CLDN2: variants seen among roughly 807,000 people sequenced by gnomAD.
CLDN2 encodes the protein claudin-2.
In CLDN2, 1 loss-of-function variant was observed where a neutral mutation model predicts 8.2. The ratio of observed to expected loss-of-function variants is 0.12; its 90% CI spans 0.04 to 0.58. The LOEUF (loss-of-function observed/expected upper bound fraction) is 0.58. CLDN2 is among the 20% of genes least tolerant of loss of function. CLDN2 has a pLI of 0.90. For synonymous variants in CLDN2, 70 were observed against 70.2 expected (o/e 1.00, Z 0.01); for missense variants, 108 against 172.9 (o/e 0.62, Z 2.11).
intron 1 of CLDN2, chrX:106,901,041 G>A: frequency 9.7e-7 from 1 of 1,031,631 alleles, no homozygotes; most frequent in South Asian, 2.7e-5. Flanking sequence ...AAGGAAGAAA[G>A]AAAGTTTTGT....
chrX:106,923,357 G>C, intron 1 of CLDN2, among the ~76,000 whole-genome samples: 1 of 112,333 alleles, frequency 8.9e-6, no homozygotes, highest in Non-Finnish European at 1.9e-5. Flanking sequence ...TTTGACTACT[G>C]GGTAGGTAAT....
intron 1 of CLDN2, among the ~76,000 whole-genome samples, chrX:106,921,162 T>C (rs761292443): frequency 2.7e-5 from 3 of 112,596 alleles, no homozygotes; most frequent in Non-Finnish European, 5.6e-5. Flanking sequence ...AGGCGATTTT[T>C]GTTTTCTAAA....
At chrX:106,920,894 T>C (rs774229752) in intron 1 of CLDN2, among the ~76,000 whole-genome samples, 1 of 110,391 alleles carries the variant, frequency 9.1e-6, no homozygotes, top group East Asian at 2.9e-4. Flanking sequence ...GACTGAGGAG[T>C]GGCAGAAGGG....
chrX:106,904,790 A>G (rs1271891290), intron 1 of CLDN2, among the ~76,000 whole-genome samples: 1 of 112,249 alleles, frequency 8.9e-6, no homozygotes, highest in African/African-American at 3.2e-5. Context: ...GAATGAGGGA[A>G]AAGTTAACAT....
upstream of CLDN2, among the ~76,000 whole-genome samples, chrX:106,915,012 G>A (rs1240350244): frequency 8.9e-6 from 1 of 111,782 alleles, no homozygotes; most frequent in Non-Finnish European, 1.9e-5. Flanking sequence ...CTCCATTGTA[G>A]TAAACCCCTT....
intron 1 of CLDN2, among the ~76,000 whole-genome samples, chrX:106,913,342 A>T (rs1383102924): frequency 9.0e-6 from 1 of 111,330 alleles, no homozygotes; most frequent in African/African-American, 3.3e-5. Context: ...TAATCCACCC[A>T]CCTCAGCCTC....
chrX:106,901,871 C>G (rs747605930), intron 1 of CLDN2, among the ~76,000 whole-genome samples: 1 of 111,743 alleles, frequency 8.9e-6, no homozygotes, highest in East Asian at 2.8e-4. Flanking sequence ...TGCCAGGAGA[C>G]GAGGCCTCAA....
At chrX:106,902,051 C>T in intron 1 of CLDN2, 1 of 757,766 alleles carries the variant, frequency 1.3e-6, no homozygotes, top group Non-Finnish European at 2.0e-6. Flanking sequence ...CACCTTTGGA[C>T]TGAGGTCAGG....
At chrX:106,924,313 T>C (rs1450167347) in intron 1 of CLDN2, among the ~76,000 whole-genome samples, 1 of 110,177 alleles carries the variant, frequency 9.1e-6, no homozygotes, top group Non-Finnish European at 1.9e-5. Context: ...CAAAAAGTAG[T>C]AGTAAATGTT....
chrX:106,902,214 C>A, intron 1 of CLDN2: 1 of 1,174,737 alleles, frequency 8.5e-7, no homozygotes, highest in East Asian at 3.1e-5. Flanking sequence ...AGACAAGTTC[C>A]TCTGGGACAA....
upstream of CLDN2, among the ~76,000 whole-genome samples, chrX:106,914,498 C>T (rs1359309715): frequency 8.1e-5 from 9 of 111,389 alleles, no homozygotes; most frequent in Middle Eastern, 4.2e-3. Context: ...CACACTTCAA[C>T]CAAAAACCAC....
At chrX:106,910,812 C>T (rs938662655) in intron 1 of CLDN2, among the ~76,000 whole-genome samples, 1 of 111,499 alleles carries the variant, frequency 9.0e-6, no homozygotes, top group Non-Finnish European at 1.9e-5. Flanking sequence ...GTTTGTCTGC[C>T]ACTCTAACTC....
chrX:106,905,083 A>C (rs1378047519), intron 1 of CLDN2, among the ~76,000 whole-genome samples: 1 of 112,612 alleles, frequency 8.9e-6, no homozygotes, highest in Non-Finnish European at 1.9e-5. Flanking sequence ...ATGTTTATCC[A>C]TGGAGGAACG....
rs1446059797 is a variant in CLDN2, at chrX:106,903,697, C to CAG, written c.-179+3193_-179+3194insAG. ...GGGACAGAGGGCTGAATAGACAGGC[C>CAG]TTTAACTAAGCCAGTTCCTGGCAAG... On this transcript the variant is annotated intron_variant, in intron 1 of 1. Transcript: ENST00000541806. Among the ~76,000 whole-genome samples the CAG allele has an allele frequency of 1.9e-4, 21 of 112,142 alleles. 1 individual carries two copies. The highest frequency in any genetic ancestry group is 7.5e-5 in the Non-Finnish European group (4 of 53,172).
At chrX:106,908,711 C>G (rs1340729874) in intron 1 of CLDN2, among the ~76,000 whole-genome samples, 1 of 109,414 alleles carries the variant, frequency 9.1e-6, no homozygotes, top group African/African-American at 3.3e-5. Flanking sequence ...ACCTCAGCTT[C>G]CCAAGTAGCT....
At chrX:106,902,982 A>T in intron 1 of CLDN2, 2 of 584,842 alleles carry the variant, frequency 3.4e-6, no homozygotes, top group South Asian at 6.3e-5. Flanking sequence ...GTCAGATGAG[A>T]TATTCCAGCT....
At position 106,901,597 on chromosome X, in the gene CLDN2, C is replaced by T. The variant is rs144879961; in HGVS notation, c.-179+1093C>T. ...GTACATGGCTAGATAACTTCCTCCT[C>T]TGTACTAGAGGTCAGAAAGCTGCAG... On this transcript the variant is annotated intron_variant, in intron 1 of 1. Transcript: ENST00000541806. 2.8e-3 allele frequency: 3,120 copies of T among 1,109,861 alleles called. 51 individuals carry two copies. In the African/African-American group the frequency reaches 0.049, roughly 17 times the overall value. The allele number at this position is 1,109,861 out of a possible 1,213,427, so 91.5% of individuals were successfully genotyped here.
rs980545342 is a variant in CLDN2 at position 106,920,514 on chromosome X, G to A, written c.-216G>A. ...CAGGATCCCTTTCTCCCTCTCCAGGGGCATCTCCCCCTCCAAGGCTCTGCA... is the reference window on the plus strand; with the variant it reads ...CAGGATCCCTTTCTCCCTCTCCAGGAGCATCTCCCCCTCCAAGGCTCTGCA... On this transcript the variant is annotated 5_prime_UTR_variant, in exon 1 of 2. Coordinates refer to ENST00000336803, the MANE Select transcript of CLDN2 (RefSeq NM_020384.4). The A allele has an allele frequency of 1.8e-5, 2 of 110,346 alleles. No individual in the cohort carries two copies. The highest frequency in any genetic ancestry group is 3.8e-5 in the Non-Finnish European group (2 of 52,832). The allele number at this position is 110,346 out of a possible 1,213,427, so 9.1% of individuals were successfully genotyped here. A position where few individuals can be genotyped will look rare whatever the true frequency, so the allele number is the denominator to read the frequency against.
At chrX:106,900,898 G>A in intron 1 of CLDN2, 1 of 1,209,874 alleles carries the variant, frequency 8.3e-7, no homozygotes, top group Non-Finnish European at 1.1e-6. Flanking sequence ...CGGGATTTAG[G>A]CCAGAAGAGC....
Sources: allele counts gnomAD v4.1 joint callset (sites outside exome capture counted in the v4.1 genomes callset), GRCh38; gene constraint gnomAD v4.1.1; transcripts MANE v1.5; gene names NCBI Gene and HGNC (gene_info 2026-07-23, HGNC 2026-07-21).